Variants in DMXL1 observed in about 807,000 individuals in gnomAD.
DMXL1 encodes dmX-like protein 1.
In DMXL1, 99 loss-of-function variants were observed where a neutral mutation model predicts 319.2. That is an observed-to-expected ratio of 0.31 (90% CI 0.26 to 0.37). The LOEUF (loss-of-function observed/expected upper bound fraction) is 0.37. Among genes scored for constraint, DMXL1 ranks in the 10% least tolerant of loss-of-function variants. DMXL1 has a pLI of 1.00. For missense variants in DMXL1, 3,745 were observed against 3,595.6 expected, an observed-to-expected ratio of 1.04 and a Z score of -1.06; for synonymous variants, 1,385 against 1,235.2, an observed-to-expected ratio of 1.12 and a Z score of -2.54.
intron 38 of DMXL1, among the ~76,000 whole-genome samples, chr5:119,232,727 C>A (rs1461115108): frequency 2.6e-5 from 4 of 151,810 alleles, no homozygotes; most frequent in Admixed American, 2.0e-4. Context: ...TAAATCCCAG[C>A]CTCTTAGAGG....
At chr5:119,235,493 T>G (rs1016489889) in intron 39 of DMXL1, among the ~76,000 whole-genome samples, 5 of 151,992 alleles carry the variant, frequency 3.3e-5, no homozygotes, top group Non-Finnish European at 7.4e-5. Flanking sequence ...AACTATCCCA[T>G]AATGATGATA....
chr5:119,085,398 G>A (rs950641862), intron 1 of DMXL1, among the ~76,000 whole-genome samples: 1 of 151,562 alleles, frequency 6.6e-6, no homozygotes, highest in South Asian at 2.1e-4. Context: ...GATTTTTTCT[G>A]TTCTTCGTAG....
intron 9 of DMXL1, chr5:119,127,627 TG>T: frequency 5.9e-6 from 1 of 168,682 alleles, no homozygotes; most frequent in South Asian, 1.5e-4. Context: ...TTAGTAGAGA[TG>T]GGGTTTCGTC....
chr5:119,200,281 CT>C (rs1780458399), intron 32 of DMXL1, among the ~76,000 whole-genome samples: 1 of 152,128 alleles, frequency 6.6e-6, no homozygotes, highest in East Asian at 1.9e-4. Flanking sequence ...CAGTTTCAAT[CT>C]TCTGCATTTG....
Position 119,148,544 on chromosome 5 carries a change from A to G in DMXL1, c.2912-195A>G, listed in dbSNP as rs112502201. On this transcript the variant is annotated intron_variant, in intron 17 of 43. Coordinates refer to ENST00000539542, the MANE Select transcript of DMXL1 (RefSeq NM_001290321.3). Reference sequence around the variant, plus strand: ...TGTCATTAAAAGCCTCTTTCTTACTATTCTTGCTGCCCCTTTTTAACTTAA... The same window carrying G: ...TGTCATTAAAAGCCTCTTTCTTACTGTTCTTGCTGCCCCTTTTTAACTTAA... Among the ~76,000 whole-genome samples the G allele has an allele frequency of 4.4e-3, 671 of 152,216 alleles. 6 individuals carry two copies. Among genetic ancestry groups the G allele is most frequent in the African/African-American group, 0.016 (659 of 41,534 alleles).
At chr5:119,137,540 G>A (rs1232944796) in intron 13 of DMXL1, among the ~76,000 whole-genome samples, 2 of 152,272 alleles carry the variant, frequency 1.3e-5, no homozygotes, top group Non-Finnish European at 1.5e-5. Flanking sequence ...ATCTCATTTC[G>A]AATTATAATT....
chr5:119,082,225 C>T (rs1484539295), intron 1 of DMXL1, among the ~76,000 whole-genome samples: 1 of 152,058 alleles, frequency 6.6e-6, no homozygotes, highest in Non-Finnish European at 1.5e-5. Context: ...AGTCATGCTA[C>T]CTCAGCCTCT....
At chr5:119,181,791 G>A (rs540239811) in intron 28 of DMXL1, among the ~76,000 whole-genome samples, 8 of 152,142 alleles carry the variant, frequency 5.3e-5, no homozygotes, top group South Asian at 4.1e-4. Flanking sequence ...CAGCCTGGGC[G>A]ACAGAGCGAG....
chr5:119,073,630 C>G (rs1188997648), intron 1 of DMXL1, among the ~76,000 whole-genome samples: 2 of 152,028 alleles, frequency 1.3e-5, no homozygotes, highest in African/African-American at 4.8e-5. Flanking sequence ...AATCTCCCAC[C>G]AAGCCTACTG....
At chr5:119,174,482 A>G (rs909039108) in intron 25 of DMXL1, among the ~76,000 whole-genome samples, 11 of 152,190 alleles carry the variant, frequency 7.2e-5, no homozygotes, top group Admixed American at 3.9e-4. Flanking sequence ...TCAATTATAT[A>G]ATATCTTTTA....
intron 25 of DMXL1, among the ~76,000 whole-genome samples, chr5:119,172,893 T>C (rs1330836891): frequency 6.6e-6 from 1 of 152,236 alleles, no homozygotes; most frequent in Non-Finnish European, 1.5e-5. Context: ...CTTATTTTTC[T>C]GTACTGCTCT....
At chr5:119,238,174 A>C (rs568747841) in intron 40 of DMXL1, among the ~76,000 whole-genome samples, 1 of 152,136 alleles carries the variant, frequency 6.6e-6, no homozygotes, top group African/African-American at 2.4e-5. Context: ...AAAAAAATGA[A>C]TTGGTTTAAA....
chr5:119,150,904 TA>T (rs1769641378), intron 18 of DMXL1, among the ~76,000 whole-genome samples: 1 of 152,026 alleles, frequency 6.6e-6, no homozygotes, highest in African/African-American at 2.4e-5. Flanking sequence ...TAATATGCAC[TA>T]TTTATCCTGT....
intron 1 of DMXL1, among the ~76,000 whole-genome samples, chr5:119,075,703 A>G (rs772332514): frequency 2.0e-5 from 3 of 150,990 alleles, no homozygotes; most frequent in Non-Finnish European, 4.4e-5. Flanking sequence ...TGATCTTAGT[A>G]TGTGAGAAAT....
chr5:119,132,419 G>T (rs1333382920), intron 10 of DMXL1, among the ~76,000 whole-genome samples: 1 of 152,128 alleles, frequency 6.6e-6, no homozygotes, highest in Non-Finnish European at 1.5e-5. Context: ...AGTGGCTCAC[G>T]CCTGTAATGC....
chr5:119,226,037 A>G (rs1785489486), intron 38 of DMXL1, among the ~76,000 whole-genome samples: 1 of 152,172 alleles, frequency 6.6e-6, no homozygotes, highest in South Asian at 2.1e-4. Flanking sequence ...TCTCAGTCCC[A>G]TACCATGTGT....
chr5:119,223,252 T>C (rs1165907183), intron 37 of DMXL1, among the ~76,000 whole-genome samples: 1 of 152,046 alleles, frequency 6.6e-6, no homozygotes, highest in Non-Finnish European at 1.5e-5. Context: ...AGATGGGGTT[T>C]TGCCATGTTG....
chr5:119,237,729 A>G (rs1388209240), intron 40 of DMXL1, among the ~76,000 whole-genome samples: 2 of 152,032 alleles, frequency 1.3e-5, no homozygotes, highest in Non-Finnish European at 2.9e-5. Flanking sequence ...ATGCCTAAAT[A>G]GAATGATTAC....
chr5:119,157,947 T>G (rs1648565941), intron 19 of DMXL1, among the ~76,000 whole-genome samples: 1 of 152,212 alleles, frequency 6.6e-6, no homozygotes, highest in African/African-American at 2.4e-5. Flanking sequence ...ATTTAACAAA[T>G]TAATTTTTCC....
Sources: allele counts gnomAD v4.1 joint callset (sites outside exome capture counted in the v4.1 genomes callset), GRCh38; gene constraint gnomAD v4.1.1; transcripts MANE v1.5; gene names NCBI Gene and HGNC (gene_info 2026-07-23, HGNC 2026-07-21).